KATNAL1: variants seen among roughly 807,000 people sequenced by gnomAD.
The protein encoded by KATNAL1 is katanin catalytic subunit A1 like 1.
KATNAL1 carries 32 observed loss-of-function variants against 55.2 expected under a neutral mutation model. That is an observed-to-expected ratio of 0.58 (90% CI 0.44 to 0.78). The LOEUF is 0.78. Among genes scored for constraint, KATNAL1 ranks in the 30% least tolerant of loss-of-function variants. The pLI is 0.00. For synonymous variants in KATNAL1, 193 were observed against 193.6 expected (o/e 1.00, Z 0.02); for missense variants, 466 against 600.9 (o/e 0.78, Z 2.35).
chr13:30,267,604 C>T (rs905144014), intron 3 of KATNAL1, among the ~76,000 whole-genome samples: 1 of 152,184 alleles, frequency 6.6e-6, no homozygotes, highest in Admixed American at 6.5e-5. Context: ...ATAAGCCCCT[C>T]AAGAACTGAT....
intron 6 of KATNAL1, among the ~76,000 whole-genome samples, chr13:30,234,119 T>C (rs371580529): frequency 1.5e-3 from 228 of 152,328 alleles, no homozygotes; most frequent in African/African-American, 5.1e-3. Context: ...TTTATACTGA[T>C]TGGATCTTTA....
intron 1 of KATNAL1, among the ~76,000 whole-genome samples, chr13:30,290,118 T>C (rs1448873513): frequency 6.6e-6 from 1 of 152,236 alleles, no homozygotes; most frequent in Non-Finnish European, 1.5e-5. Context: ...TTGCCGACTC[T>C]TGCTTTCAGC....
At position 30,283,693 on chromosome 13, in the gene KATNAL1, A is replaced by AAT; in HGVS notation, c.83_84dup (p.Tyr29IlefsTer5). ...TGAATCTGCTGCATCACCCCCTGGTAATATACCATTGATGAGTCGTAATTT... is the reference window on the plus strand; with the variant it reads ...TGAATCTGCTGCATCACCCCCTGGTAATATATACCATTGATGAGTCGTAATTT... On this transcript the variant is annotated frameshift_variant, in exon 2 of 11. Transcript: ENST00000380615. LOFTEE classifies it high-confidence loss of function. 15 of 1,614,034 alleles carry AAT rather than the reference A, an allele frequency of 9.3e-6. No individual in the cohort carries two copies. The highest frequency in any genetic ancestry group is 1.2e-5 in the Non-Finnish European group (14 of 1,179,988).
chr13:30,283,293 G>GAAAAAAAAAAAAAAAAAAAA (rs1593945549), intron 2 of KATNAL1, among the ~76,000 whole-genome samples: 2 of 55,888 alleles, frequency 3.6e-5, no homozygotes, highest in African/African-American at 7.2e-5. Flanking sequence ...AAAAAAAAAG[G>GAAAAAAAAAAAAAAAAAAAA]AATGAATGAA....
chr13:30,275,531 G>T (rs1880776029), intron 3 of KATNAL1, among the ~76,000 whole-genome samples: 1 of 152,154 alleles, frequency 6.6e-6, no homozygotes, highest in African/African-American at 2.4e-5. Context: ...CTCATAGAAA[G>T]AGAGTAGAGT....
intron 1 of KATNAL1, among the ~76,000 whole-genome samples, chr13:30,287,294 C>T (rs1244969310): frequency 6.6e-6 from 1 of 152,200 alleles, no homozygotes; most frequent in Non-Finnish European, 1.5e-5. Context: ...ATGGAGGTGA[C>T]TGGATCATGG....
chr13:30,246,587 T>A (rs1877818277), intron 4 of KATNAL1, among the ~76,000 whole-genome samples: 2 of 152,018 alleles, frequency 1.3e-5, no homozygotes, highest in African/African-American at 2.4e-5. Context: ...AAAGAAACTA[T>A]CATCAGAGCA....
chr13:30,293,753 G>A (rs997472805), intron 1 of KATNAL1, among the ~76,000 whole-genome samples: 5 of 151,952 alleles, frequency 3.3e-5, no homozygotes, highest in African/African-American at 7.3e-5. Flanking sequence ...AGTTTACCGC[G>A]CCTCATTTTA....
intron 3 of KATNAL1, among the ~76,000 whole-genome samples, chr13:30,259,105 C>T (rs777429497): frequency 3.3e-5 from 5 of 152,144 alleles, no homozygotes; most frequent in Admixed American, 6.6e-5. Flanking sequence ...TCTGGGAGGC[C>T]GAGACAGGCA....
intron 1 of KATNAL1, among the ~76,000 whole-genome samples, chr13:30,287,675 CCTT>C (rs1374841917): frequency 3.9e-5 from 6 of 152,078 alleles, no homozygotes; most frequent in East Asian, 1.9e-4. Context: ...AACAATATGG[CCTT>C]ATTATAATGA....
Position 30,202,854 on chromosome 13 carries a change from T to C in KATNAL1, c.*5686A>G, listed in dbSNP as rs981455538. ...TACAAGCCATCATAACATGCAGTGA[T>C]CCTGCGAGACACTGTGTCCACTCAC... On this transcript the variant is annotated 3_prime_UTR_variant, in exon 11 of 11. Transcript: ENST00000380615. 1.3e-5 allele frequency: 2 copies of C among 152,192 alleles called. No individual in the cohort carries two copies. Among genetic ancestry groups the C allele is most frequent in the African/African-American group, 4.8e-5 (2 of 41,448 alleles). 9.4% of individuals were successfully genotyped at this position (152,192 alleles called of 1,614,324 possible).
chr13:30,249,742 G>A (rs1878127096), intron 4 of KATNAL1, among the ~76,000 whole-genome samples: 2 of 152,062 alleles, frequency 1.3e-5, no homozygotes, highest in Admixed American at 1.3e-4. Flanking sequence ...GGATTGGGAG[G>A]GATCATGAAT....
intron 4 of KATNAL1, among the ~76,000 whole-genome samples, chr13:30,251,459 G>T (rs896912590): frequency 2.6e-5 from 4 of 152,152 alleles, no homozygotes; most frequent in African/African-American, 9.7e-5. Context: ...CTGCCCTCAT[G>T]AACAGAATTA....
At position 30,225,272 on chromosome 13, in the gene KATNAL1, C is replaced by T. The variant is rs114828102; in HGVS notation, c.1147+2140G>A. ...TCATCATCTCTTCCTAAGTGCCCTC[C>T]TTACTGACTTCAAGTTCCAGAACCA... On this transcript the variant is annotated intron_variant, in intron 9 of 10. Coordinates refer to ENST00000380615, the MANE Select transcript of KATNAL1 (RefSeq NM_032116.5). Among the ~76,000 whole-genome samples the T allele has an allele frequency of 2.8e-3, 430 of 152,270 alleles. 4 individuals carry two copies. Among genetic ancestry groups the T allele is most frequent in the African/African-American group, 9.8e-3 (409 of 41,550 alleles).
chr13:30,257,213 A>G (rs917800242), intron 3 of KATNAL1, among the ~76,000 whole-genome samples: 9 of 152,098 alleles, frequency 5.9e-5, no homozygotes, highest in Admixed American at 6.5e-5. Flanking sequence ...GTGGAAAGTA[A>G]TAGAGTAAAA....
intron 7 of KATNAL1, among the ~76,000 whole-genome samples, chr13:30,230,851 C>G (rs185933298): frequency 4.6e-5 from 7 of 152,296 alleles, no homozygotes; most frequent in Admixed American, 3.9e-4. Flanking sequence ...ACTTTCATAT[C>G]TGGAAATTTC....
At chr13:30,239,167 C>T (rs533050833) in intron 6 of KATNAL1, among the ~76,000 whole-genome samples, 6 of 152,142 alleles carry the variant, frequency 3.9e-5, no homozygotes, top group East Asian at 1.9e-4. Flanking sequence ...CCCAGCACTT[C>T]GGGAGACCAA....
chr13:30,223,255 C>A (rs375496132), intron 9 of KATNAL1, among the ~76,000 whole-genome samples: 2 of 151,492 alleles, frequency 1.3e-5, no homozygotes, highest in South Asian at 4.2e-4. Flanking sequence ...CTGGCTAACA[C>A]GGTGAAACTC....
chr13:30,287,351 A>G (rs1463754067), intron 1 of KATNAL1, among the ~76,000 whole-genome samples: 3 of 152,126 alleles, frequency 2.0e-5, no homozygotes, highest in Non-Finnish European at 4.4e-5. Flanking sequence ...GAGTCTCATG[A>G]GATCTGATGG....
Sources: allele counts gnomAD v4.1 joint callset (sites outside exome capture counted in the v4.1 genomes callset), GRCh38; gene constraint gnomAD v4.1.1; transcripts MANE v1.5; gene names NCBI Gene and HGNC (gene_info 2026-07-23, HGNC 2026-07-21).